Variants in NLN observed in about 807,000 individuals in gnomAD.
NLN encodes the protein neurolysin, also known as neurolysin, mitochondrial.
NLN carries 64 observed loss-of-function variants against 79.9 expected under a neutral mutation model. The ratio of observed to expected loss-of-function variants is 0.80; its 90% CI spans 0.65 to 0.99. The LOEUF (loss-of-function observed/expected upper bound fraction) is 0.99, where lower values mean the gene tolerates loss of function less well. NLN is among the 50% of genes least tolerant of loss of function. The pLI, the probability that NLN is intolerant of heterozygous loss-of-function variation, is 0.00. For missense variants in NLN, 835 were observed against 858.7 expected, an observed-to-expected ratio of 0.97 and a Z score of 0.34; for synonymous variants, 267 against 296.6, an observed-to-expected ratio of 0.90 and a Z score of 1.02.
chr5:65,764,702 A>G (rs1042316512), intron 3 of NLN, among the ~76,000 whole-genome samples: 2 of 152,132 alleles, frequency 1.3e-5, no homozygotes, highest in Non-Finnish European at 2.9e-5. Context: ...TATTTTAACA[A>G]TTTAAGGTAA....
At chr5:65,813,859 G>T (rs998234733) in intron 12 of NLN, among the ~76,000 whole-genome samples, 23 of 152,026 alleles carry the variant, frequency 1.5e-4, no homozygotes, top group African/African-American at 5.6e-4. Flanking sequence ...GCCTAGGAGA[G>T]GTGGAAGCTG....
chr5:65,778,022 A>T (rs1038028800), intron 4 of NLN, among the ~76,000 whole-genome samples: 2 of 152,152 alleles, frequency 1.3e-5, no homozygotes, highest in Non-Finnish European at 1.5e-5. Flanking sequence ...TCCCTGTTTT[A>T]CATTCTTTAA....
intron 1 of NLN, among the ~76,000 whole-genome samples, chr5:65,729,153 G>C (rs1158131486): frequency 6.6e-6 from 1 of 151,928 alleles, no homozygotes; most frequent in African/African-American, 2.4e-5. Context: ...CTAAATTACA[G>C]TTATTAATAA....
chr5:65,775,827 C>T (rs1389795971), intron 3 of NLN, among the ~76,000 whole-genome samples: 4 of 152,212 alleles, frequency 2.6e-5, no homozygotes, highest in South Asian at 2.1e-4. Context: ...CCAGTCATGC[C>T]AGCATGCACA....
At chr5:65,723,040 G>C (rs1758355487) in intron 1 of NLN, 1 of 152,264 alleles carries the variant, frequency 6.6e-6, no homozygotes, top group African/African-American at 2.4e-5. Flanking sequence ...TTGCTTCCTA[G>C]CCCTCTAACC....
At chr5:65,754,600 C>G (rs117187020) in intron 1 of NLN, among the ~76,000 whole-genome samples, 2 of 152,202 alleles carry the variant, frequency 1.3e-5, no homozygotes, top group East Asian at 3.9e-4. Flanking sequence ...CATACTATTC[C>G]CTGAATCTTC....
At chr5:65,792,895 T>G (rs772367013) in intron 9 of NLN, 57 of 556,670 alleles carry the variant, frequency 1.0e-4, no homozygotes, top group Non-Finnish European at 1.6e-4. Flanking sequence ...GGAAAAAGAA[T>G]AAGACTATCT....
At chr5:65,729,260 T>C (rs1241547014) in intron 1 of NLN, among the ~76,000 whole-genome samples, 3 of 151,692 alleles carry the variant, frequency 2.0e-5, no homozygotes, top group East Asian at 1.9e-4. Context: ...AAGAGAACAG[T>C]ATTGGGGAAA....
At chr5:65,796,118 C>T (rs73101595) in intron 9 of NLN, among the ~76,000 whole-genome samples, 350 of 152,276 alleles carry the variant, frequency 2.3e-3, no homozygotes, top group African/African-American at 8.2e-3. Flanking sequence ...TGAGTTATAG[C>T]AGTTTCCTTC....
intron 9 of NLN, among the ~76,000 whole-genome samples, chr5:65,803,856 G>C (rs763822295): frequency 2.0e-5 from 3 of 152,164 alleles, no homozygotes; most frequent in Admixed American, 2.0e-4. Context: ...TCCATGGAGC[G>C]CACAGCCCCA....
chr5:65,749,897 C>T (rs1397756342), intron 1 of NLN, among the ~76,000 whole-genome samples: 1 of 152,206 alleles, frequency 6.6e-6, no homozygotes, highest in Non-Finnish European at 1.5e-5. Flanking sequence ...TTTTCTGCCA[C>T]ACTGTGCTCT....
intron 6 of NLN, among the ~76,000 whole-genome samples, chr5:65,782,324 A>G (rs1759819159): frequency 6.6e-6 from 1 of 152,182 alleles, no homozygotes; most frequent in Non-Finnish European, 1.5e-5. Context: ...TTTAGGGATC[A>G]AATAATCCAA....
intron 9 of NLN, among the ~76,000 whole-genome samples, chr5:65,799,659 C>T (rs1272085228): frequency 1.3e-5 from 2 of 152,170 alleles, no homozygotes; most frequent in African/African-American, 2.4e-5. Flanking sequence ...CAGGAAGGTA[C>T]AGCTAGTTTG....
chr5:65,774,060 T>TTG (rs1037196392), intron 3 of NLN, among the ~76,000 whole-genome samples: 4 of 151,720 alleles, frequency 2.6e-5, no homozygotes, highest in African/African-American at 9.7e-5. Context: ...TCAAAGTTTT[T>TTG]TTTTTTTTTT....
In NLN at chr5:65,819,190, T is replaced by C. The variant is rs113786485; in HGVS notation, c.1981-3591T>C. ...TTTTGAGGAAGTGCTACACCAGGAA[T>C]GCATTTGTTTCCCTGAACTGTATAT... is the stretch of plus-strand genomic sequence containing the variant. On this transcript the variant is annotated intron_variant, in intron 12 of 12. Transcript: ENST00000380985. Among the ~76,000 whole-genome samples, 942 of 152,246 alleles carry C rather than the reference T, an allele frequency of 6.2e-3. 14 individuals are homozygous for C. Among genetic ancestry groups the C allele is most frequent in the African/African-American group, 0.022 (895 of 41,536 alleles).
intron 3 of NLN, among the ~76,000 whole-genome samples, chr5:65,775,273 G>A (rs1162245628): frequency 6.6e-6 from 1 of 152,190 alleles, no homozygotes; most frequent in African/African-American, 2.4e-5. Context: ...CCATAGGGTA[G>A]GAATTCTGCA....
chr5:65,751,517 A>T (rs907013718), intron 1 of NLN, among the ~76,000 whole-genome samples: 17 of 152,358 alleles, frequency 1.1e-4, no homozygotes, highest in African/African-American at 4.1e-4. Context: ...TCCTAGTTTC[A>T]TTTAGAATAT....
At chr5:65,799,125 GC>G in intron 9 of NLN, among the ~76,000 whole-genome samples, 1 of 152,226 alleles carries the variant, frequency 6.6e-6, no homozygotes. Context: ...CAAGCAATCT[GC>G]CCAAGTCAGC....
At chr5:65,783,396 T>A (rs908725678) in intron 6 of NLN, among the ~76,000 whole-genome samples, 2 of 152,134 alleles carry the variant, frequency 1.3e-5, no homozygotes, top group African/African-American at 4.8e-5. Context: ...TTCAGGGTCA[T>A]TGAGGTCATC....
Sources: gnomAD v4.1 joint callset for allele counts (sites outside exome capture counted in the v4.1 genomes callset) on GRCh38, gnomAD v4.1.1 for gene constraint, MANE v1.5 for transcripts, NCBI Gene and HGNC (gene_info 2026-07-23, HGNC 2026-07-21) for gene names.